Variants in NDST3 observed in about 807,000 individuals in gnomAD.
NDST3 encodes N-deacetylase and N-sulfotransferase 3, also known as bifunctional heparan sulfate N-deacetylase/N-sulfotransferase 3.
Under a neutral mutation model 96.1 loss-of-function variants are expected in NDST3, and 58 were observed. That is an observed-to-expected ratio of 0.60 (90% CI 0.49 to 0.75). The LOEUF is 0.75. Ranked by LOEUF, NDST3 falls within the 30% of genes least tolerant of loss-of-function variation. The pLI is 0.00. For missense variants in NDST3, 788 were observed against 1,034.2 expected, an observed-to-expected ratio of 0.76 and a Z score of 3.27; for synonymous variants, 333 against 359.7, an observed-to-expected ratio of 0.93 and a Z score of 0.84.
At chr4:118,218,210 G>C (rs964420424) in intron 6 of NDST3, among the ~76,000 whole-genome samples, 1 of 152,004 alleles carries the variant, frequency 6.6e-6, no homozygotes, top group Non-Finnish European at 1.5e-5. Flanking sequence ...GCATCATCCC[G>C]ATACCAAAAC....
At chr4:118,179,628 T>C (rs1259740654) in intron 6 of NDST3, among the ~76,000 whole-genome samples, 1 of 152,062 alleles carries the variant, frequency 6.6e-6, no homozygotes, top group African/African-American at 2.4e-5. Context: ...TTAATATATA[T>C]GTATCCTTGG....
chr4:118,233,073 C>T lies in NDST3; in HGVS notation c.1881C>T (p.Ser627=), dbSNP rs1405568467. ...MHPSILSNSP[S]PKTFEEVQFF... ...CTTCCATCCTTAGTAACTCCCCCAG[C>T]CCAAAAACCTTTGAGGAGGTACAGT... is the stretch of plus-strand genomic sequence containing the variant. Residue 627 remains serine (S), a synonymous_variant, in exon 9 of 14, where the codon AGC becomes AGT. Transcript: ENST00000296499. The T allele has an allele frequency of 9.9e-6, 16 of 1,612,642 alleles. No individual in the cohort carries two copies. The highest frequency in any genetic ancestry group is 1.4e-5 in the Non-Finnish European group (16 of 1,178,770).
At position 118,258,218 on chromosome 4, in the gene NDST3, T is replaced by A. The variant is rs1742228022; in HGVS notation, c.*2506T>A. ...AAATTTATTCATTCACAAGTACATGTATTACGCTAGCTAGAGCAGCAAACC... is the reference window on the plus strand; with the variant it reads ...AAATTTATTCATTCACAAGTACATGAATTACGCTAGCTAGAGCAGCAAACC... On this transcript the variant is annotated 3_prime_UTR_variant, in exon 14 of 14. Transcript: ENST00000296499. 6.6e-6 allele frequency: 1 copy of A among 152,198 alleles called. No individual in the cohort carries two copies. Among genetic ancestry groups the A allele is most frequent in the Non-Finnish European group, 1.5e-5 (1 of 68,014 alleles). The allele number at this position is 152,198 out of a possible 1,614,324, so 9.4% of individuals were successfully genotyped here. A position where few individuals can be genotyped will look rare whatever the true frequency, so the allele number is the denominator to read the frequency against.
chr4:118,072,413 T>C (rs2125803550), intron 2 of NDST3, among the ~76,000 whole-genome samples: 1 of 152,196 alleles, frequency 6.6e-6, no homozygotes, highest in East Asian at 1.9e-4. Flanking sequence ...TTCAACAGTG[T>C]TGTACAACTC....
intron 10 of NDST3, among the ~76,000 whole-genome samples, chr4:118,238,219 GAAAGAA>G (rs1740805544): frequency 3.2e-5 from 4 of 125,768 alleles, no homozygotes; most frequent in Middle Eastern, 3.7e-3. Flanking sequence ...AAGAAAGAAA[GAAAGAA>G]AAAGAAAGAA....
At chr4:118,084,647 T>C (rs986009756) in intron 2 of NDST3, among the ~76,000 whole-genome samples, 3 of 152,214 alleles carry the variant, frequency 2.0e-5, no homozygotes, top group South Asian at 2.1e-4. Context: ...AAGCCTGCAA[T>C]AATAACAAAA....
At chr4:118,223,132 C>T (rs1369289891) in intron 6 of NDST3, among the ~76,000 whole-genome samples, 1 of 151,858 alleles carries the variant, frequency 6.6e-6, no homozygotes, top group Admixed American at 6.6e-5. Context: ...TTAAGCTACA[C>T]TGAAAAATGT....
At chr4:118,238,159 GAA>G (rs1200354521) in intron 10 of NDST3, among the ~76,000 whole-genome samples, 3 of 4,402 alleles carry the variant, frequency 6.8e-4, no homozygotes, top group African/African-American at 1.2e-3. Context: ...AGAAAGAAAA[GAA>G]AGAAAGAAAG....
At chr4:118,170,512 G>A (rs1291222110) in intron 6 of NDST3, among the ~76,000 whole-genome samples, 2 of 152,164 alleles carry the variant, frequency 1.3e-5, no homozygotes, top group East Asian at 1.9e-4. Context: ...GGCAGATCAC[G>A]AGGTCAGGAG....
At chr4:118,078,945 A>AC (rs1553928751) in intron 2 of NDST3, among the ~76,000 whole-genome samples, 5 of 151,882 alleles carry the variant, frequency 3.3e-5, no homozygotes, top group Non-Finnish European at 7.4e-5. Flanking sequence ...TATTTACACT[A>AC]TTTTTTTTAC....
chr4:118,222,270 ATC>A (rs1739598647), intron 6 of NDST3, among the ~76,000 whole-genome samples: 1 of 151,982 alleles, frequency 6.6e-6, no homozygotes, highest in Non-Finnish European at 1.5e-5. Flanking sequence ...CTTGTTATAT[ATC>A]TGTTTTTGTC....
chr4:118,094,103 C>T (rs139948672), intron 2 of NDST3, among the ~76,000 whole-genome samples: 2 of 151,978 alleles, frequency 1.3e-5, no homozygotes, highest in African/African-American at 4.8e-5. Context: ...AATACTACCA[C>T]ACTGGCAATT....
intron 6 of NDST3, among the ~76,000 whole-genome samples, chr4:118,215,534 C>G (rs1217775874): frequency 6.6e-6 from 1 of 151,944 alleles, no homozygotes; most frequent in Non-Finnish European, 1.5e-5. Flanking sequence ...AAGAACTTGG[C>G]TGGGTAGGAC....
chr4:118,194,219 T>C lies in NDST3; in HGVS notation c.1540-30272T>C, dbSNP rs1737513061. 3 of 733,608 alleles carry C rather than the reference T, an allele frequency of 4.1e-6. No homozygotes were observed. In the East Asian group the frequency reaches 7.4e-5, roughly 18 times the overall value. The allele number at this position is 733,608 out of a possible 1,614,324, so 45.4% of individuals were successfully genotyped here. On this transcript the variant is annotated intron_variant, in intron 6 of 13. Coordinates refer to ENST00000296499, the MANE Select transcript of NDST3 (RefSeq NM_004784.3). ...CTCCTGATGTTCAAAGAACTAGTCC[T>C]TGTAGCACCCTTCCAGTGCAATCTC...
intron 2 of NDST3, among the ~76,000 whole-genome samples, chr4:118,069,569 T>C (rs997143974): frequency 1.3e-5 from 2 of 151,982 alleles, no homozygotes; most frequent in African/African-American, 2.4e-5. Context: ...ATAATTAATA[T>C]AGAAAACTAC....
At chr4:118,212,669 A>G (rs1738880473) in intron 6 of NDST3, among the ~76,000 whole-genome samples, 1 of 152,132 alleles carries the variant, frequency 6.6e-6, no homozygotes, top group South Asian at 2.1e-4. Context: ...TTTAAAGTCT[A>G]CCTGATTTGG....
chr4:118,247,349 C>T (rs377145985), intron 12 of NDST3, among the ~76,000 whole-genome samples: 7 of 152,146 alleles, frequency 4.6e-5, no homozygotes, highest in Admixed American at 2.6e-4. Flanking sequence ...GTCAGGAGTT[C>T]GAGACCAGCT....
At chr4:118,115,071 T>G in intron 4 of NDST3, 111 bp downstream of exon 4, 1 of 1,128,328 alleles carries the variant, frequency 8.9e-7, no homozygotes, top group Non-Finnish European at 1.3e-6. Flanking sequence ...ATATGATCAT[T>G]TGGAATATTT....
At chr4:118,111,290 C>A (rs773115598) in intron 3 of NDST3, among the ~76,000 whole-genome samples, 1 of 152,054 alleles carries the variant, frequency 6.6e-6, no homozygotes, top group Non-Finnish European at 1.5e-5. Flanking sequence ...GGTAACAAAC[C>A]TGCATGTCCC....
Sources: allele counts gnomAD v4.1 joint callset (sites outside exome capture counted in the v4.1 genomes callset), GRCh38; gene constraint gnomAD v4.1.1; transcripts MANE v1.5; gene names NCBI Gene and HGNC (gene_info 2026-07-23, HGNC 2026-07-21).